Variants in AGBL1 observed in about 807,000 individuals in gnomAD.
The protein encoded by AGBL1 is AGBL carboxypeptidase 1.
AGBL1 carries 130 observed loss-of-function variants against 118.9 expected under a neutral mutation model. The ratio of observed to expected loss-of-function variants is 1.09; its 90% CI spans 0.95 to 1.26. The LOEUF (loss-of-function observed/expected upper bound fraction) is 1.26, where lower values mean the gene tolerates loss of function less well. AGBL1 is among the 50% of genes most tolerant of loss of function. AGBL1 has a pLI of 0.00. For missense variants in AGBL1, 1,584 were observed against 1,298.1 expected (o/e 1.22, Z -3.38); for synonymous variants, 555 against 478.9 (o/e 1.16, Z -2.08).
At chr15:86,288,808 A>T (rs1193115734) in intron 16 of AGBL1, among the ~76,000 whole-genome samples, 1 of 151,474 alleles carries the variant, frequency 6.6e-6, no homozygotes, top group Non-Finnish European at 1.5e-5. Flanking sequence ...AAAATCTCCC[A>T]CTCCGAGAAG....
chr15:86,415,008 AT>A (rs2081670682), intron 18 of AGBL1, among the ~76,000 whole-genome samples: 1 of 152,290 alleles, frequency 6.6e-6, no homozygotes, highest in South Asian at 2.1e-4. Flanking sequence ...AATAACACCT[AT>A]GAGAGCGTAA....
rs1322745191 is a variant in AGBL1 at position 86,186,682 on chromosome 15, A to G, written c.488+27656A>G. ...CTTGTTGGTAAATCTCACAGAGGGT[A>G]TCATTACTTTCAAGAATTTGATCCA... On this transcript the variant is annotated intron_variant, in intron 5 of 22. Coordinates refer to ENST00000614907, the MANE Select transcript of AGBL1 (RefSeq NM_001386094.1). Among the ~76,000 whole-genome samples, 11 of 152,310 alleles carry G rather than the reference A, an allele frequency of 7.2e-5. 1 individual carries two copies. In the Middle Eastern group the frequency reaches 0.027, roughly 377 times the overall value.
At chr15:86,422,140 A>G (rs2081799873) in intron 18 of AGBL1, among the ~76,000 whole-genome samples, 1 of 152,208 alleles carries the variant, frequency 6.6e-6, no homozygotes, top group Admixed American at 6.5e-5. Context: ...TCAACAGAAT[A>G]TACATTCTTC....
chr15:86,884,718 G>A (rs546800864), intron 22 of AGBL1, among the ~76,000 whole-genome samples: 1 of 152,252 alleles, frequency 6.6e-6, no homozygotes, highest in Non-Finnish European at 1.5e-5. Flanking sequence ...AGGCTGACGT[G>A]GGAGAACCGC....
rs747699745 is a variant in AGBL1 at position 86,248,537 on chromosome 15, C to CA, written c.735+666dup. ...AACTTCTCTGGGCCTTGAGGTTCTTCAAAAAAAAGCAGAAATAACAAAACC... is the reference window on the plus strand; with the variant it reads ...AACTTCTCTGGGCCTTGAGGTTCTTCAAAAAAAAAGCAGAAATAACAAAACC... On this transcript the variant is annotated intron_variant, in intron 7 of 22. Transcript: ENST00000614907. Among the ~76,000 whole-genome samples the CA allele has an allele frequency of 3.2e-3, 478 of 151,632 alleles. 2 individuals are homozygous for CA. The highest frequency in any genetic ancestry group is 4.5e-3 in the Non-Finnish European group (307 of 67,868).
chr15:86,438,421 C>T (rs4887460), intron 18 of AGBL1, among the ~76,000 whole-genome samples: 65,190 of 151,940 alleles, frequency 0.43, 14,627 homozygotes, highest in East Asian at 0.82. Context: ...CTCTCTACTC[C>T]TTAAAATAAC....
chr15:86,177,225 A>G (rs1355856038), intron 5 of AGBL1, among the ~76,000 whole-genome samples: 1 of 152,240 alleles, frequency 6.6e-6, no homozygotes, highest in East Asian at 1.9e-4. Flanking sequence ...CGTAATAGTA[A>G]AGGGTCAGTT....
At chr15:86,437,352 A>G (rs186437940) in intron 18 of AGBL1, among the ~76,000 whole-genome samples, 1 of 152,294 alleles carries the variant, frequency 6.6e-6, no homozygotes, top group East Asian at 1.9e-4. Flanking sequence ...AATAGAGAAA[A>G]GAGAAAGCGC....
chr15:86,911,665 A>G lies in AGBL1; in HGVS notation c.*4371A>G, dbSNP rs2080353944. On this transcript the variant is annotated 3_prime_UTR_variant, in exon 23 of 23. Transcript: ENST00000614907. ...TGGAAGGGCACTTCTTAAGCCACACAGCTCCCTAAATGTACTTTTTGATTT... is the reference window on the plus strand; with the variant it reads ...TGGAAGGGCACTTCTTAAGCCACACGGCTCCCTAAATGTACTTTTTGATTT... 6.6e-6 allele frequency: 1 copy of G among 152,154 alleles called. No individual in the cohort carries two copies. Among genetic ancestry groups the G allele is most frequent in the African/African-American group, 2.4e-5 (1 of 41,428 alleles). The allele number at this position is 152,154 out of a possible 1,614,324, so 9.4% of individuals were successfully genotyped here.
chr15:86,652,790 T>G (rs772610336), intron 21 of AGBL1, among the ~76,000 whole-genome samples: 2 of 152,174 alleles, frequency 1.3e-5, no homozygotes, highest in Non-Finnish European at 2.9e-5. Context: ...TCAGTGTGTG[T>G]AAAGCAGTGG....
chr15:86,748,105 A>G (rs1325354391), intron 22 of AGBL1, among the ~76,000 whole-genome samples: 1 of 152,128 alleles, frequency 6.6e-6, no homozygotes, highest in African/African-American at 2.4e-5. Context: ...ACAGTGTAAA[A>G]GTGTTCCTAT....
intron 17 of AGBL1, among the ~76,000 whole-genome samples, chr15:86,334,513 G>A (rs138921548): frequency 6.6e-6 from 1 of 152,202 alleles, no homozygotes; most frequent in East Asian, 1.9e-4. Context: ...AAACATAGAT[G>A]ACAGAAACAA....
chr15:86,917,992 T>TATATTTTGC (rs2080445599), downstream of AGBL1, among the ~76,000 whole-genome samples: 1 of 152,172 alleles, frequency 6.6e-6, no homozygotes, highest in South Asian at 2.1e-4. This position sits in a 1 kb window ranked among gnomAD's most constrained non-coding sequence, Gnocchi z 4.8. Context: ...GGGTTCTCAT[T>TATATTTTGC]ATATTTTGCA....
At chr15:86,475,408 C>T (rs561247682) in intron 18 of AGBL1, among the ~76,000 whole-genome samples, 40 of 152,154 alleles carry the variant, frequency 2.6e-4, no homozygotes, top group Non-Finnish European at 4.6e-4. Context: ...AACCATGACA[C>T]GAGAACTATG....
intron 22 of AGBL1, among the ~76,000 whole-genome samples, chr15:86,835,351 G>A (rs1401452319): frequency 6.6e-6 from 1 of 152,152 alleles, no homozygotes. Context: ...AATCAATCCT[G>A]TAGATTAAGC....
chr15:86,147,739 T>A (rs1048352397), intron 3 of AGBL1, among the ~76,000 whole-genome samples: 1 of 152,148 alleles, frequency 6.6e-6, no homozygotes, highest in African/African-American at 2.4e-5. Context: ...GTCTGACAAC[T>A]CTGAAGAGAG....
At chr15:86,760,157 G>A (rs886542918) in intron 22 of AGBL1, among the ~76,000 whole-genome samples, 1 of 151,936 alleles carries the variant, frequency 6.6e-6, no homozygotes, top group Non-Finnish European at 1.5e-5. Context: ...AGAGAATGAG[G>A]CCCTGGTTGT....
chr15:86,627,489 C>T (rs559861381), intron 21 of AGBL1, among the ~76,000 whole-genome samples: 21 of 152,210 alleles, frequency 1.4e-4, no homozygotes, highest in African/African-American at 5.1e-4. Flanking sequence ...AACACAGGTT[C>T]TGGAGTATTA....
At position 86,564,410 on chromosome 15, in the gene AGBL1, G is replaced by A. The variant is rs1436523046; in HGVS notation, c.2994+9873G>A. Among the ~76,000 whole-genome samples the A allele has an allele frequency of 2.0e-5, 3 of 152,196 alleles. No homozygotes were observed. The East Asian group carries it at 5.8e-4, about 29-fold the overall frequency. On this transcript the variant is annotated intron_variant, in intron 21 of 22. Transcript: ENST00000614907. ...TATGAAGCTTAGTTTGGCTGGATAT[G>A]AAATTCTGGGTTGAAAATTCTTTTC...
Sources: gnomAD v4.1 joint callset for allele counts (sites outside exome capture counted in the v4.1 genomes callset) on GRCh38, gnomAD v4.1.1 for gene constraint, Gnocchi (gnomAD v3.1) non-coding constraint, MANE v1.5 for transcripts, NCBI Gene and HGNC (gene_info 2026-07-23, HGNC 2026-07-21) for gene names.